Variants in LITAF observed in about 807,000 individuals in gnomAD.
The protein encoded by LITAF is lipopolysaccharide induced TNF factor.
A neutral mutation model predicts 14.5 loss-of-function variants in LITAF; 9 were observed. The ratio of observed to expected loss-of-function variants is 0.62; its 90% CI spans 0.37 to 1.08. The LOEUF is 1.08. Among genes scored for constraint, LITAF ranks in the 50% least tolerant of loss-of-function variants. LITAF has a pLI of 0.01. For missense variants in LITAF, 206 were observed against 213.4 expected (o/e 0.97, Z 0.22); for synonymous variants, 98 against 88.2 (o/e 1.11, Z -0.62).
At chr16:11,589,301 G>C (rs1446463415), upstream of LITAF, among the ~76,000 whole-genome samples, 1 of 152,084 alleles carries the variant, frequency 6.6e-6, no homozygotes, top group Non-Finnish European at 1.5e-5. Flanking sequence ...TCAACCTTAG[G>C]GCTTCTATGA....
In LITAF at chr16:11,558,063, A is replaced by C. The variant is rs1217293527; in HGVS notation, c.-5-1328T>G. Among the ~76,000 whole-genome samples, 1 of 151,866 alleles carries C rather than the reference A, an allele frequency of 6.6e-6. No individual in the cohort carries two copies. Among genetic ancestry groups the C allele is most frequent in the East Asian group, 1.9e-4 (1 of 5,176 alleles). On this transcript the variant is annotated intron_variant, in intron 1 of 3. Coordinates refer to ENST00000622633, the MANE Select transcript of LITAF (RefSeq NM_001136472.2). The surrounding 1 kb of genome is among the most constrained non-coding windows in gnomAD (Gnocchi z 4.1). Reference sequence around the variant, plus strand: ...GAGCCATTCAAACCTGTCTCGGGAGAAATGGGAAATGAGGCTCCGGGGCAG... The same window carrying C: ...GAGCCATTCAAACCTGTCTCGGGAGCAATGGGAAATGAGGCTCCGGGGCAG...
intron 1 of LITAF, among the ~76,000 whole-genome samples, chr16:11,579,400 G>A (rs978012074): frequency 2.6e-5 from 4 of 151,756 alleles, no homozygotes; most frequent in Non-Finnish European, 4.4e-5. Context: ...GCAGTGAGCC[G>A]AGATTGCGCC....
rs575594618 is a variant in LITAF, at chr16:11,603,869, C to A, written c.85+29664G>T. ...ACCATCCTGGCTAACACAGTGAAACCCCATCTCTACTAAAAATACAAAAAA... is the reference window on the plus strand; with the variant it reads ...ACCATCCTGGCTAACACAGTGAAACACCATCTCTACTAAAAATACAAAAAA... On this transcript the variant is annotated intron_variant, in intron 3 of 3. Transcript: ENST00000574848. Among the ~76,000 whole-genome samples the A allele has an allele frequency of 7.4e-4, 111 of 150,954 alleles. 1 individual carries two copies. The highest frequency in any genetic ancestry group is 7.1e-3 in the Middle Eastern group (2 of 280).
At chr16:11,639,807 C>G (rs924514282), upstream of LITAF, among the ~76,000 whole-genome samples, 7 of 152,040 alleles carry the variant, frequency 4.6e-5, no homozygotes, top group African/African-American at 1.7e-4. Context: ...CCAGCCTGGC[C>G]AACATGGTGA....
intron 1 of LITAF, among the ~76,000 whole-genome samples, chr16:11,573,174 C>T (rs576533271): frequency 6.6e-6 from 1 of 152,246 alleles, no homozygotes; most frequent in South Asian, 2.1e-4. Flanking sequence ...AAGCGATCCG[C>T]CTGCCTCGGC....
At chr16:11,560,949 G>A (rs1440296099) in intron 1 of LITAF, among the ~76,000 whole-genome samples, 2 of 152,098 alleles carry the variant, frequency 1.3e-5, no homozygotes, top group East Asian at 1.9e-4. Flanking sequence ...TAAACTCAGC[G>A]GACATCCCTC....
At chr16:11,578,429 G>C (rs61186466) in intron 1 of LITAF, among the ~76,000 whole-genome samples, 1,727 of 152,252 alleles carry the variant, frequency 0.011, 36 homozygotes, top group African/African-American at 0.04. Flanking sequence ...TACTCAGGAG[G>C]CTGAGGCAGG....
Position 11,605,885 on chromosome 16 carries a change from T to C in LITAF, c.85+27648A>G, listed in dbSNP as rs553776591. 6.6e-6 allele frequency among the ~76,000 whole-genome samples: 1 copy of C among 152,258 alleles called. No individual in the cohort carries two copies. Among genetic ancestry groups the C allele is most frequent in the Admixed American group, 6.5e-5 (1 of 15,294 alleles). On this transcript the variant is annotated intron_variant, in intron 3 of 3. Transcript: ENST00000574848. This position sits in a 1 kb window ranked among gnomAD's most constrained non-coding sequence, Gnocchi z 4.7. ...CACTGTTCCCACGGAAACTTATCAA[T>C]AGCTGCCTCTTTAGGATCAAGACCA...
intron 1 of LITAF, among the ~76,000 whole-genome samples, chr16:11,569,707 T>C (rs989302535): frequency 2.6e-5 from 4 of 151,944 alleles, no homozygotes; most frequent in African/African-American, 4.8e-5. Flanking sequence ...AGGCAGGGCA[T>C]GAAGAGGGAA....
At chr16:11,557,555 T>C (rs1597334112) in intron 1 of LITAF, among the ~76,000 whole-genome samples, 2 of 152,178 alleles carry the variant, frequency 1.3e-5, no homozygotes, top group South Asian at 2.1e-4. Flanking sequence ...GCTCAGGTGA[T>C]CTTCCTGCCT....
At chr16:11,574,416 G>A (rs981130357) in intron 1 of LITAF, among the ~76,000 whole-genome samples, 4 of 152,146 alleles carry the variant, frequency 2.6e-5, no homozygotes, top group African/African-American at 9.7e-5. Flanking sequence ...GGTGTTTGTC[G>A]GGAAGGGAAC....
intron 2 of LITAF, among the ~76,000 whole-genome samples, chr16:11,633,818 G>A (rs887258971): frequency 1.1e-4 from 17 of 152,120 alleles, no homozygotes; most frequent in African/African-American, 3.9e-4. Flanking sequence ...GACTTGCCCT[G>A]AATTCTTTCT....
chr16:11,549,326 A>C lies in LITAF; in HGVS notation c.*311T>G, dbSNP rs1347204759. On this transcript the variant is annotated 3_prime_UTR_variant, in exon 4 of 4. Coordinates refer to ENST00000622633, the MANE Select transcript of LITAF (RefSeq NM_001136472.2). This position sits in a 1 kb window ranked among gnomAD's most constrained non-coding sequence, Gnocchi z 4.6. ...AAAAAAGAGCCACTGATGGCAGATC[A>C]CAGGAAGATATTCGGATAGGGCAAT... is the stretch of plus-strand genomic sequence containing the variant. 2.2e-6 allele frequency: 1 copy of C among 462,582 alleles called. No individual in the cohort carries two copies. Among genetic ancestry groups the C allele is most frequent in the Admixed American group, 2.3e-5 (1 of 42,896 alleles). 28.7% of individuals were successfully genotyped at this position (462,582 alleles called of 1,614,324 possible).
Position 11,593,327 on chromosome 16 carries a change from G to A in LITAF, c.-6+5061C>T, listed in dbSNP as rs7201566. Among the ~76,000 whole-genome samples the A allele has an allele frequency of 3.5e-3, 440 of 125,214 alleles. 2 individuals carry two copies. Among genetic ancestry groups the A allele is most frequent in the African/African-American group, 0.013 (425 of 32,382 alleles). The allele number at this position is 125,214 out of a possible 152,430, so 82.1% of individuals were successfully genotyped here. On this transcript the variant is annotated intron_variant, in intron 1 of 3. Transcript: ENST00000571627. ...GCCGAGATTGCGCCAGTGCTCTCCAGCATGGGAGACAAGCGAAACTCTGTC... is the reference window on the plus strand; with the variant it reads ...GCCGAGATTGCGCCAGTGCTCTCCAACATGGGAGACAAGCGAAACTCTGTC...
intron 1 of LITAF, among the ~76,000 whole-genome samples, chr16:11,572,821 C>T (rs961874521): frequency 6.6e-6 from 1 of 152,000 alleles, no homozygotes; most frequent in African/African-American, 2.4e-5. Flanking sequence ...AGTAACGCAG[C>T]GGTGTCAGAG....
chr16:11,637,705 G>T (rs1357943292), upstream of LITAF, among the ~76,000 whole-genome samples: 2 of 151,322 alleles, frequency 1.3e-5, no homozygotes, highest in African/African-American at 4.9e-5. Context: ...AACATAAGGA[G>T]CTCCTGTCTC....
rs757148689 is a variant in LITAF, at chr16:11,551,751, G to A, written c.377+1782C>T. On this transcript the variant is annotated intron_variant, in intron 3 of 3. Transcript: ENST00000622633. ...GGAGGCTGAGCTGGGCGGATTGCAG[G>A]AGCCCAGGAGATCAAAGCTGCGGAG... The A allele has an allele frequency of 5.0e-4, 346 of 686,078 alleles. 3 individuals are homozygous for A. Among genetic ancestry groups the A allele is most frequent in the Middle Eastern group, 3.6e-3 (12 of 3,344 alleles). 42.5% of individuals were successfully genotyped at this position (686,078 alleles called of 1,614,324 possible).
intron 2 of LITAF, chr16:11,556,141 C>G (rs554094731): frequency 1.5e-5 from 6 of 400,336 alleles, no homozygotes; most frequent in African/African-American, 8.1e-5. Context: ...CTTCTCCTCC[C>G]TATTCCTACC....
chr16:11,638,115 T>TAG (rs1242881022), upstream of LITAF, among the ~76,000 whole-genome samples: 89 of 140,488 alleles, frequency 6.3e-4, 21 homozygotes, highest in African/African-American at 2.2e-3. Flanking sequence ...TATATCTATC[T>TAG]ATATAGATAG....
Sources: gnomAD v4.1 joint callset for allele counts (sites outside exome capture counted in the v4.1 genomes callset) on GRCh38, gnomAD v4.1.1 for gene constraint, Gnocchi (gnomAD v3.1) non-coding constraint, MANE v1.5 for transcripts, NCBI Gene and HGNC (gene_info 2026-07-23, HGNC 2026-07-21) for gene names.